The following ELMO1 variants were observed in gnomAD, a reference collection of about 807,000 sequenced individuals.
ELMO1 encodes engulfment and cell motility protein 1.
A neutral mutation model predicts 98.9 loss-of-function variants in ELMO1; 26 were observed. The observed-to-expected ratio is 0.26, with a 90% CI of 0.19 to 0.36. The LOEUF (loss-of-function observed/expected upper bound fraction) is 0.36. ELMO1 is among the 10% of genes least tolerant of loss of function. The probability of loss-of-function intolerance (pLI) is 1.00; values close to 1 mark genes in which losing one functional copy is unlikely to be tolerated. For missense variants in ELMO1, 627 were observed against 935.2 expected (o/e 0.67, Z 4.30); for synonymous variants, 346 against 346.0 (o/e 1.00, Z 0.00).
At chr7:36,962,649 G>A (rs1486949151) in intron 16 of ELMO1, among the ~76,000 whole-genome samples, 1 of 136,074 alleles carries the variant, frequency 7.3e-6, no homozygotes, top group Non-Finnish European at 1.6e-5. Context: ...CTTGAGTTAT[G>A]CATCTAAGGG....
rs143571798 is a variant in ELMO1 at position 36,885,319 on chromosome 7, A to AAACAAC, written c.1714+2235_1714+2240dup. ...TATAGATACGGGACTAACATTTTTT[A>AAACAAC]AACAACAACAACAACAACAACAACA... On this transcript the variant is annotated intron_variant, in intron 18 of 21. Transcript: ENST00000310758. Among the ~76,000 whole-genome samples the AAACAAC allele has an allele frequency of 4.6e-3, 688 of 150,366 alleles. 2 individuals are homozygous for AAACAAC. The highest frequency in any genetic ancestry group is 0.015 in the African/African-American group (621 of 40,970).
intron 13 of ELMO1, among the ~76,000 whole-genome samples, chr7:37,209,010 T>TAAAAA (rs112233572): frequency 8.9e-5 from 13 of 145,508 alleles, no homozygotes; most frequent in African/African-American, 3.3e-4. Context: ...AACTTTCAGT[T>TAAAAA]AAAAAAAAAA....
chr7:36,964,715 T>C (rs947027662), intron 16 of ELMO1, among the ~76,000 whole-genome samples: 2 of 152,206 alleles, frequency 1.3e-5, no homozygotes, highest in African/African-American at 4.8e-5. Flanking sequence ...ACAGTTAACC[T>C]ACTTCCTTCC....
intron 13 of ELMO1, among the ~76,000 whole-genome samples, chr7:37,205,277 A>G (rs559866923): frequency 1.3e-5 from 2 of 152,314 alleles, no homozygotes; most frequent in South Asian, 4.1e-4. Context: ...CTACTGAACC[A>G]TTGCTCCTAG....
intron 16 of ELMO1, among the ~76,000 whole-genome samples, chr7:36,896,345 C>T (rs906648372): frequency 6.6e-6 from 1 of 152,118 alleles, no homozygotes; most frequent in African/African-American, 2.4e-5. Context: ...TGATGTTGAA[C>T]GAATATGCAT....
intron 14 of ELMO1, among the ~76,000 whole-genome samples, chr7:37,102,730 CAA>C (rs1343031039): frequency 6.6e-6 from 1 of 152,170 alleles, no homozygotes; most frequent in East Asian, 1.9e-4. Context: ...GAAACAGAGA[CAA>C]AGAGATGTGT....
rs1784126510 is a variant in ELMO1, at chr7:36,908,554, T to TG, written c.1438-13538_1438-13537insC. Among the ~76,000 whole-genome samples the TG allele has an allele frequency of 8.5e-5, 13 of 152,154 alleles. No homozygotes were observed. The South Asian group carries it at 2.7e-3, about 32-fold the overall frequency. The stretch of plus-strand genomic sequence containing the variant: ...CAATGCCATGTTAAGATTTGTTATT[T>TG]TTTTTTTTAAGATAGTGTGAAAGAA... On this transcript the variant is annotated intron_variant, in intron 16 of 21. Transcript: ENST00000310758.
At chr7:36,936,961 A>C (rs1173078038) in intron 16 of ELMO1, among the ~76,000 whole-genome samples, 1 of 152,120 alleles carries the variant, frequency 6.6e-6, no homozygotes, top group Non-Finnish European at 1.5e-5. Flanking sequence ...GCTTCACCTC[A>C]ATTAGGGGGT....
At chr7:37,296,300 C>T in intron 4 of ELMO1, among the ~76,000 whole-genome samples, 1 of 152,234 alleles carries the variant, frequency 6.6e-6, no homozygotes, top group Non-Finnish European at 1.5e-5. Context: ...TGGCCAGGGA[C>T]CCCTCTCAGC....
At chr7:36,894,831 G>A in intron 17 of ELMO1, 23 bp downstream of exon 17, 1 of 1,613,932 alleles carries the variant, frequency 6.2e-7, no homozygotes, top group Non-Finnish European at 8.5e-7. Flanking sequence ...TTGGGAGATA[G>A]AAGTCAATAC....
At chr7:37,407,047 T>C (rs1803799308) in intron 1 of ELMO1, among the ~76,000 whole-genome samples, 1 of 152,146 alleles carries the variant, frequency 6.6e-6, no homozygotes, top group African/African-American at 2.4e-5. Flanking sequence ...TGAAAAAACT[T>C]ACAGCTATAC....
chr7:36,917,715 T>A (rs796629999), intron 16 of ELMO1, among the ~76,000 whole-genome samples: 35 of 152,316 alleles, frequency 2.3e-4, no homozygotes, highest in African/African-American at 7.9e-4. Context: ...ATACATCACA[T>A]CTGGACCCCA....
At chr7:36,913,596 A>G (rs1208513629) in intron 16 of ELMO1, among the ~76,000 whole-genome samples, 2 of 152,210 alleles carry the variant, frequency 1.3e-5, no homozygotes, top group African/African-American at 2.4e-5. Context: ...GAAACGCCAC[A>G]TACGAGTCAA....
At chr7:37,089,669 T>C (rs372093406) in intron 15 of ELMO1, among the ~76,000 whole-genome samples, 8 of 152,250 alleles carry the variant, frequency 5.3e-5, no homozygotes, top group African/African-American at 1.9e-4. Flanking sequence ...ACTAGTGCAT[T>C]TCCCCAATTC....
chr7:36,934,471 G>A (rs1194108912), intron 16 of ELMO1, among the ~76,000 whole-genome samples: 1 of 142,822 alleles, frequency 7.0e-6, no homozygotes, highest in East Asian at 2.1e-4. Context: ...TGCCTTCCCA[G>A]GGAAATGGGA....
intron 13 of ELMO1, among the ~76,000 whole-genome samples, chr7:37,169,981 A>C (rs1199543235): frequency 6.6e-6 from 1 of 152,014 alleles, no homozygotes; most frequent in Non-Finnish European, 1.5e-5. Context: ...TGCTCACTGC[A>C]ACCTCCACCT....
chr7:37,239,170 A>AT (rs199908716), intron 7 of ELMO1, among the ~76,000 whole-genome samples: 12,321 of 148,868 alleles, frequency 0.083, 786 homozygotes, highest in Admixed American at 0.18. Context: ...AATGATTTCA[A>AT]TTTTTTTTTT....
intron 8 of ELMO1, among the ~76,000 whole-genome samples, chr7:37,231,773 T>C (rs550724657): frequency 6.6e-6 from 1 of 152,248 alleles, no homozygotes; most frequent in East Asian, 1.9e-4. Context: ...TTTATCAATT[T>C]TGATAACCGT....
At chr7:36,946,524 G>A (rs1057362404) in intron 16 of ELMO1, among the ~76,000 whole-genome samples, 27 of 152,188 alleles carry the variant, frequency 1.8e-4, no homozygotes, top group African/African-American at 6.0e-4. Context: ...GTTAAAATGA[G>A]AATGGCATGT....
Sources: allele counts gnomAD v4.1 joint callset (sites outside exome capture counted in the v4.1 genomes callset), GRCh38; gene constraint gnomAD v4.1.1; transcripts MANE v1.5; gene names NCBI Gene and HGNC (gene_info 2026-07-23, HGNC 2026-07-21).